Variants in ZNF280C observed in about 807,000 individuals in gnomAD.
ZNF280C encodes the protein zinc finger protein 280C, also known as suppressor of hairy wing homolog 3.
A neutral mutation model predicts 53.6 loss-of-function variants in ZNF280C; 14 were observed. The observed-to-expected ratio is 0.26, with a 90% CI of 0.17 to 0.41. The LOEUF is 0.41. Among genes scored for constraint, ZNF280C ranks in the 10% least tolerant of loss-of-function variants. The pLI, the probability that ZNF280C is intolerant of heterozygous loss-of-function variation, is 1.00. For synonymous variants in ZNF280C, 203 were observed against 181.1 expected (o/e 1.12, Z -0.97); for missense variants, 416 against 547.1 (o/e 0.76, Z 2.39).
At chrX:130,240,295 CCT>C (rs895288083) in intron 5 of ZNF280C, among the ~76,000 whole-genome samples, 3 of 110,990 alleles carry the variant, frequency 2.7e-5, no homozygotes, top group Admixed American at 9.6e-5. Context: ...AATATGGTCC[CCT>C]GACTGATATA....
chrX:130,253,119 C>A (rs969033094), intron 2 of ZNF280C, among the ~76,000 whole-genome samples: 2 of 111,968 alleles, frequency 1.8e-5, no homozygotes, highest in Non-Finnish European at 3.8e-5. Context: ...TATACACCAA[C>A]AACAGTCAAG....
chrX:130,213,859 C>CA (rs1374063797), intron 15 of ZNF280C, among the ~76,000 whole-genome samples: 4 of 112,362 alleles, frequency 3.6e-5, no homozygotes, highest in Non-Finnish European at 7.5e-5. Context: ...CTGAAGCCAT[C>CA]AAAAAACGTG....
intron 13 of ZNF280C, among the ~76,000 whole-genome samples, chrX:130,216,307 A>G (rs1009593446): frequency 8.9e-6 from 1 of 111,926 alleles, no homozygotes; most frequent in Non-Finnish European, 1.9e-5. Context: ...CCCTTACCTC[A>G]TATTATATAC....
At chrX:130,247,418 A>T (rs190919275) in intron 2 of ZNF280C, among the ~76,000 whole-genome samples, 2 of 111,870 alleles carry the variant, frequency 1.8e-5, no homozygotes, top group Admixed American at 1.9e-4. Context: ...TACTGACTTG[A>T]TTCTCGTGCC....
chrX:130,218,295 T>A (rs2032126051), intron 13 of ZNF280C, among the ~76,000 whole-genome samples: 1 of 111,340 alleles, frequency 9.0e-6, no homozygotes, highest in South Asian at 3.8e-4. Flanking sequence ...TAAAACAGAT[T>A]TTCAGTAAAT....
chrX:130,259,938 C>T (rs1325338477), intron 2 of ZNF280C, among the ~76,000 whole-genome samples: 1 of 109,666 alleles, frequency 9.1e-6, no homozygotes, highest in African/African-American at 3.3e-5. Context: ...TGCTGTGAGC[C>T]GAGATCACGC....
chrX:130,245,540 T>A (rs1322702884), intron 3 of ZNF280C, among the ~76,000 whole-genome samples: 3 of 111,533 alleles, frequency 2.7e-5, no homozygotes, highest in African/African-American at 9.8e-5. Context: ...TAAAACTGAG[T>A]AGAAATGCTA....
chrX:130,268,898 C>A lies in ZNF280C; in HGVS notation c.-153G>T, dbSNP rs749860386. 1 of 112,763 alleles carries A rather than the reference C, an allele frequency of 8.9e-6. No homozygotes were observed. The highest frequency in any genetic ancestry group is 2.8e-4 in the East Asian group (1 of 3,568). 9.3% of individuals were successfully genotyped at this position (112,763 alleles called of 1,213,427 possible). ...TCCCCCGGAGACTTCCAGCGCGGAA[C>A]CGGCGTCTCAGCCGGGGGCAGAAGT... On this transcript the variant is annotated 5_prime_UTR_variant, in exon 1 of 19. Coordinates refer to ENST00000370978, the MANE Select transcript of ZNF280C (RefSeq NM_017666.5).
At chrX:130,251,108 A>G (rs971710328) in intron 2 of ZNF280C, among the ~76,000 whole-genome samples, 1 of 106,120 alleles carries the variant, frequency 9.4e-6, no homozygotes, top group Non-Finnish European at 1.9e-5. Flanking sequence ...AAAATAAAAT[A>G]ATAATAATAA....
intron 1 of ZNF280C, among the ~76,000 whole-genome samples, chrX:130,263,518 G>A (rs766624788): frequency 1.8e-5 from 2 of 111,959 alleles, no homozygotes; most frequent in South Asian, 3.7e-4. Context: ...TCCATAGACA[G>A]AAAGTAGAGT....
chrX:130,233,869 C>A (rs2032304656), intron 8 of ZNF280C, among the ~76,000 whole-genome samples: 1 of 109,584 alleles, frequency 9.1e-6, no homozygotes, highest in African/African-American at 3.3e-5. Context: ...GACAAGACTA[C>A]ATACTAAATA....
chrX:130,207,733 AT>A (rs1405214456), intron 16 of ZNF280C, among the ~76,000 whole-genome samples: 1 of 111,806 alleles, frequency 8.9e-6, no homozygotes, highest in Non-Finnish European at 1.9e-5. Context: ...CTAGTTATTC[AT>A]TGTCATTCCG....
At chrX:130,254,118 CAGA>C (rs765721580) in intron 2 of ZNF280C, among the ~76,000 whole-genome samples, 3 of 111,981 alleles carry the variant, frequency 2.7e-5, no homozygotes, top group African/African-American at 3.2e-5. Context: ...AGATGCTTAT[CAGA>C]AGAAGACATA....
intron 8 of ZNF280C, among the ~76,000 whole-genome samples, chrX:130,231,232 T>C (rs2032272844): frequency 9.0e-6 from 1 of 111,364 alleles, no homozygotes; most frequent in Non-Finnish European, 1.9e-5. Flanking sequence ...GGAAAATTAA[T>C]CGTTCTACCA....
At chrX:130,258,523 G>A (rs1286559002) in intron 2 of ZNF280C, among the ~76,000 whole-genome samples, 1 of 111,818 alleles carries the variant, frequency 8.9e-6, no homozygotes, top group Non-Finnish European at 1.9e-5. Flanking sequence ...TCAGTAGTCT[G>A]CCTACCAAAC....
At chrX:130,234,145 T>A (rs887246279) in intron 8 of ZNF280C, among the ~76,000 whole-genome samples, 1 of 111,316 alleles carries the variant, frequency 9.0e-6, no homozygotes, top group Non-Finnish European at 1.9e-5. Context: ...AAGAAAAAAC[T>A]CTGGTGAAAG....
intron 8 of ZNF280C, among the ~76,000 whole-genome samples, chrX:130,234,934 C>T (rs192630365): frequency 2.9e-3 from 325 of 111,264 alleles, no homozygotes; most frequent in African/African-American, 9.7e-3. Context: ...ATATGAAATG[C>T]TCCATCATTA....
chrX:130,236,950 T>C (rs958565312), intron 6 of ZNF280C, among the ~76,000 whole-genome samples: 2 of 111,233 alleles, frequency 1.8e-5, no homozygotes, highest in East Asian at 2.8e-4. Context: ...ACAGGTATCA[T>C]GAAAAAAGTT....
At position 130,220,418 on chromosome X, in the gene ZNF280C, A is replaced by G; in HGVS notation, c.1458T>C (p.Ala486=). 8.3e-7 allele frequency: 1 copy of G among 1,204,079 alleles called. No individual in the cohort carries two copies. The highest frequency in any genetic ancestry group is 1.8e-5 in the South Asian group (1 of 55,090). The change falls in exon 13 of 19, where the codon GCT becomes GCC. Residue 486 remains alanine, a synonymous_variant. Transcript: ENST00000370978. ...ATGTACGATGCTGCGCCTTATGTTC[A>G]GCTTTCTCCTTGCTGGTCAAAAATT... ...RLQFLTSKEK[A]EHKAQHRTFI... is the part of the protein sequence containing the mutation.
Sources: allele counts gnomAD v4.1 joint callset (sites outside exome capture counted in the v4.1 genomes callset), GRCh38; gene constraint gnomAD v4.1.1; transcripts MANE v1.5; gene names NCBI Gene and HGNC (gene_info 2026-07-23, HGNC 2026-07-21).